PER3: variants seen among roughly 807,000 people sequenced by gnomAD.
PER3 encodes the protein period circadian protein homolog 3.
A neutral mutation model predicts 127.2 loss-of-function variants in PER3; 107 were observed. That is an observed-to-expected ratio of 0.84 (90% CI 0.72 to 0.99). The LOEUF (loss-of-function observed/expected upper bound fraction) is 0.99, where lower values mean the gene tolerates loss of function less well. Among genes scored for constraint, PER3 ranks in the 50% least tolerant of loss-of-function variants. The probability of loss-of-function intolerance (pLI) is 0.00; values close to 1 mark genes in which losing one functional copy is unlikely to be tolerated. For synonymous variants in PER3, 618 were observed against 585.8 expected (o/e 1.05, Z -0.79); for missense variants, 1,560 against 1,525.8 (o/e 1.02, Z -0.37).
intron 10 of PER3, among the ~76,000 whole-genome samples, chr1:7,808,410 G>A (rs1224542261): frequency 2.0e-5 from 3 of 152,104 alleles, no homozygotes; most frequent in South Asian, 2.1e-4. Context: ...AAATAAGACC[G>A]AAGGTATTGT....
chr1:7,787,057 CT>C (rs1417840863), intron 4 of PER3: 1 of 446,934 alleles, frequency 2.2e-6, no homozygotes, highest in African/African-American at 2.0e-5. Flanking sequence ...AGCTCAGTGA[CT>C]TTGGTTATGA....
intron 12 of PER3, 177 bp downstream of exon 12, chr1:7,810,198 G>GA: frequency 2.9e-6 from 2 of 683,262 alleles, no homozygotes; most frequent in South Asian, 4.1e-5. Context: ...ATCACCTTTG[G>GA]AAAGTGATAT....
At chr1:7,841,394 A>G (rs1426542393) in intron 21 of PER3, among the ~76,000 whole-genome samples, 1 of 151,156 alleles carries the variant, frequency 6.6e-6, no homozygotes, top group Non-Finnish European at 1.5e-5. Context: ...TTGTTTTATG[A>G]TTGTTGGAAG....
chr1:7,817,852 C>G (rs927401769), intron 13 of PER3, among the ~76,000 whole-genome samples: 1 of 152,156 alleles, frequency 6.6e-6, no homozygotes, highest in Non-Finnish European at 1.5e-5. Flanking sequence ...CTTGCGTGAT[C>G]TCAAAGTATT....
In PER3 at chr1:7,837,021, G is replaced by T. The variant is rs1057365176; in HGVS notation, c.3421G>T (p.Glu1141Ter). Residue 1141 changes from glutamate (E) to a stop codon, truncating the protein, a stop_gained, in exon 21 of 22, where the codon GAA becomes TAA. Coordinates refer to ENST00000377532, the MANE Select transcript of PER3 (RefSeq NM_001377275.1). LOFTEE classifies it high-confidence loss of function. ...PERVKEVVLK[E>*]DLEKLESMRQ... Reference sequence around the variant, plus strand: ...CAGGGTTAAAGAAGTTGTACTAAAAGAAGACCTGGAAAAGCTAGAAAGTAT... The same window carrying T: ...CAGGGTTAAAGAAGTTGTACTAAAATAAGACCTGGAAAAGCTAGAAAGTAT... 5 of 1,613,370 alleles carry T rather than the reference G, an allele frequency of 3.1e-6. No individual in the cohort carries two copies. The African/African-American group carries it at 6.7e-5, about 22-fold the overall frequency.
At chr1:7,806,591 T>C (rs2097193624) in intron 10 of PER3, among the ~76,000 whole-genome samples, 1 of 151,676 alleles carries the variant, frequency 6.6e-6, no homozygotes, top group Admixed American at 6.6e-5. Flanking sequence ...AGTTCAAGAC[T>C]GGCCTGGGCA....
In PER3 at chr1:7,784,836, G is replaced by A. The variant is rs777998367; in HGVS notation, c.-42G>A. On this transcript the variant is annotated 5_prime_UTR_variant, in exon 2 of 22. Coordinates refer to ENST00000377532, the MANE Select transcript of PER3 (RefSeq NM_001377275.1). ...GCAAAGTGAGCGAGAAGCAGGCTGCGGGCCGTCCCAGCACGACGTGGAGCC... is the reference window on the plus strand; with the variant it reads ...GCAAAGTGAGCGAGAAGCAGGCTGCAGGCCGTCCCAGCACGACGTGGAGCC... The A allele has an allele frequency of 2.1e-6, 3 of 1,417,698 alleles. No individual in the cohort carries two copies. Among genetic ancestry groups the A allele is most frequent in the East Asian group, 2.9e-5 (1 of 34,650 alleles). 87.8% of individuals were successfully genotyped at this position (1,417,698 alleles called of 1,614,324 possible).
intron 10 of PER3, among the ~76,000 whole-genome samples, chr1:7,806,840 A>G (rs371084097): frequency 0.012 from 1,379 of 114,306 alleles, 29 homozygotes; most frequent in African/African-American, 0.039. Context: ...TATATATTAC[A>G]TACACACACA....
intron 3 of PER3, 141 bp downstream of exon 3, chr1:7,785,727 C>G: frequency 1.5e-6 from 1 of 669,798 alleles, no homozygotes. Flanking sequence ...CAAATCTACA[C>G]CGATTCCATT....
rs369059887 is a variant in PER3, at chr1:7,836,996, C to G, written c.3399-3C>G. On this transcript the variant is annotated splice_polypyrimidine_tract_variant and splice_region_variant and intron_variant, in intron 20 of 21. Coordinates refer to ENST00000377532, the MANE Select transcript of PER3 (RefSeq NM_001377275.1). ...TATTAAGATTCTGTTTGTTTGTTTT[C>G]AGGGTTAAAGAAGTTGTACTAAAAG... The G allele has an allele frequency of 2.2e-5, 35 of 1,609,278 alleles. No homozygotes were observed. The highest frequency in any genetic ancestry group is 2.6e-5 in the Non-Finnish European group (31 of 1,177,826).
At chr1:7,839,068 G>A (rs2097371744) in intron 21 of PER3, among the ~76,000 whole-genome samples, 1 of 152,018 alleles carries the variant, frequency 6.6e-6, no homozygotes, top group Non-Finnish European at 1.5e-5. Flanking sequence ...GTTTTTTGAA[G>A]TGAAATGTAA....
intron 6 of PER3, among the ~76,000 whole-genome samples, chr1:7,796,470 C>T (rs763585189): frequency 1.3e-4 from 19 of 151,878 alleles, no homozygotes; most frequent in Non-Finnish European, 2.5e-4. Context: ...AGGCATGCAC[C>T]GCCACAGCTA....
intron 16 of PER3, among the ~76,000 whole-genome samples, chr1:7,821,273 T>C (rs567166882): frequency 6.6e-6 from 1 of 152,362 alleles, no homozygotes; most frequent in African/African-American, 2.4e-5. Context: ...TTATCTTTGC[T>C]AGTCTTCAGT....
At chr1:7,800,537 C>T (rs1191448952) in intron 7 of PER3, among the ~76,000 whole-genome samples, 1 of 152,010 alleles carries the variant, frequency 6.6e-6, no homozygotes, top group African/African-American at 2.4e-5. Context: ...TAGAACTGAC[C>T]ATACCAATTT....
intron 16 of PER3, among the ~76,000 whole-genome samples, chr1:7,822,992 C>G (rs1372146806): frequency 6.6e-6 from 1 of 152,088 alleles, no homozygotes; most frequent in Non-Finnish European, 1.5e-5. Flanking sequence ...CTAGCTTGAG[C>G]TCATCTTGGG....
At chr1:7,785,983 G>A (rs544324477) in intron 3 of PER3, among the ~76,000 whole-genome samples, 6 of 152,306 alleles carry the variant, frequency 3.9e-5, no homozygotes, top group South Asian at 2.1e-4. Context: ...GAGGCTGGGC[G>A]CGGTGCCTCA....
At chr1:7,827,027 C>T (rs948514166) in intron 17 of PER3, 91 bp from the exon 18 acceptor site, 4 of 976,228 alleles carry the variant, frequency 4.1e-6, no homozygotes, top group African/African-American at 3.3e-5. Context: ...AATGCTCATT[C>T]GTCAGCTACT....
At chr1:7,816,222 C>T (rs2097250762) in intron 13 of PER3, among the ~76,000 whole-genome samples, 1 of 151,660 alleles carries the variant, frequency 6.6e-6, no homozygotes, top group African/African-American at 2.4e-5. Flanking sequence ...TAATAAAGAC[C>T]AGATATCAAT....
At chr1:7,796,888 A>C (rs974363114) in intron 6 of PER3, among the ~76,000 whole-genome samples, 1 of 152,208 alleles carries the variant, frequency 6.6e-6, no homozygotes, top group African/African-American at 2.4e-5. Flanking sequence ...AGTGTGAAGT[A>C]AGAGTCAAGG....
Sources: gnomAD v4.1 joint callset for allele counts (sites outside exome capture counted in the v4.1 genomes callset) on GRCh38, gnomAD v4.1.1 for gene constraint, MANE v1.5 for transcripts, NCBI Gene and HGNC (gene_info 2026-07-23, HGNC 2026-07-21) for gene names.